The following COL28A1 variants were observed in gnomAD, a reference collection of about 807,000 sequenced individuals.
COL28A1 encodes collagen alpha-1(XXVIII) chain.
COL28A1 carries 161 observed loss-of-function variants against 150.2 expected under a neutral mutation model. That is an observed-to-expected ratio of 1.07 (90% CI 0.94 to 1.22). COL28A1 has a LOEUF of 1.22. Among genes scored for constraint, COL28A1 ranks in the 50% most tolerant of loss-of-function variants. The pLI, the probability that COL28A1 is intolerant of heterozygous loss-of-function variation, is 0.00. For missense variants in COL28A1, 1,617 were observed against 1,388.3 expected, an observed-to-expected ratio of 1.16 and a Z score of -2.62; for synonymous variants, 552 against 469.7, an observed-to-expected ratio of 1.18 and a Z score of -2.26.
chr7:7,440,356 C>T lies in COL28A1; in HGVS notation c.1722+434G>A, dbSNP rs543758747. ...CGTTATCTTCTTTCTATAATTGAAGCGACTTGCTCCAAGAGGTTCATGGCA... is the reference window on the plus strand; with the variant it reads ...CGTTATCTTCTTTCTATAATTGAAGTGACTTGCTCCAAGAGGTTCATGGCA... On this transcript the variant is annotated intron_variant, in intron 21 of 34. Transcript: ENST00000399429. 2.6e-4 allele frequency among the ~76,000 whole-genome samples: 40 copies of T among 152,302 alleles called. No homozygotes were observed. The South Asian group carries it at 4.1e-3, about 16-fold the overall frequency.
At chr7:7,508,803 C>G (rs889332035) in intron 9 of COL28A1, among the ~76,000 whole-genome samples, 10 of 151,300 alleles carry the variant, frequency 6.6e-5, no homozygotes, top group African/African-American at 1.9e-4. Context: ...GTTGCCCACA[C>G]TGGTGATATA....
chr7:7,374,038 A>AAAAAAATATATATATATATAT, intron 31 of COL28A1, among the ~76,000 whole-genome samples: 1 of 113,658 alleles, frequency 8.8e-6, no homozygotes, highest in African/African-American at 3.8e-5. Context: ...AAAAAAAAAA[A>AAAAAAATATATATATATATAT]ATATATATAT....
Position 7,383,832 on chromosome 7 carries a change from A to T in COL28A1, c.2137-2220T>A, listed in dbSNP as rs76635864. Among the ~76,000 whole-genome samples, 690 of 152,060 alleles carry T rather than the reference A, an allele frequency of 4.5e-3. 5 individuals are homozygous for T. The highest frequency in any genetic ancestry group is 0.015 in the African/African-American group (603 of 41,536). On this transcript the variant is annotated intron_variant, in intron 27 of 34. Coordinates refer to ENST00000399429, the MANE Select transcript of COL28A1 (RefSeq NM_001037763.3). ...TTTCCAATATTTCTGTATTAAAAAT[A>T]ATATTTTAAGAATATCCTTTTATAT...
At chr7:7,475,007 C>T (rs1356937860) in intron 14 of COL28A1, among the ~76,000 whole-genome samples, 2 of 152,142 alleles carry the variant, frequency 1.3e-5, no homozygotes, top group African/African-American at 4.8e-5. Flanking sequence ...TGGATCAAGT[C>T]TCCTTTTCCT....
chr7:7,418,040 C>T (rs914255417), intron 26 of COL28A1, 113 bp from the exon 27 acceptor site: 2 of 762,342 alleles, frequency 2.6e-6, no homozygotes, highest in Non-Finnish European at 4.2e-6. Context: ...CCAGGACTTT[C>T]ATGCTGCCTA....
intron 15 of COL28A1, among the ~76,000 whole-genome samples, chr7:7,456,810 T>C (rs375157031): frequency 2.0e-5 from 3 of 152,218 alleles, no homozygotes; most frequent in African/African-American, 7.2e-5. Flanking sequence ...GGAAACAAGA[T>C]GGTAAACAAG....
chr7:7,383,436 G>A (rs1368999872), intron 27 of COL28A1, among the ~76,000 whole-genome samples: 1 of 151,488 alleles, frequency 6.6e-6, no homozygotes, highest in African/African-American at 2.4e-5. Context: ...GTGCCACTAT[G>A]CCTGGCTAAT....
At chr7:7,390,143 C>G (rs1001392521) in intron 27 of COL28A1, among the ~76,000 whole-genome samples, 1 of 152,076 alleles carries the variant, frequency 6.6e-6, no homozygotes, top group Non-Finnish European at 1.5e-5. Flanking sequence ...ATAAATAGCT[C>G]TTATTATTTT....
chr7:7,460,595 G>C (rs1000525871), intron 15 of COL28A1, among the ~76,000 whole-genome samples: 8 of 151,974 alleles, frequency 5.3e-5, no homozygotes, highest in African/African-American at 1.9e-4. Flanking sequence ...TGTTAGCCAG[G>C]ATGGTCTCGA....
rs576511754 is a variant in COL28A1 at position 7,515,439 on chromosome 7, G to A, written c.882+375C>T. ...TCTTTTCCCTGGGAGAGGATTTGGT[G>A]TCTAGGTTTTCACAGGAAGTTAAAC... is the stretch of plus-strand genomic sequence containing the variant. On this transcript the variant is annotated intron_variant, in intron 8 of 34. Transcript: ENST00000399429. Among the ~76,000 whole-genome samples, 25 of 152,292 alleles carry A rather than the reference G, an allele frequency of 1.6e-4. 1 individual carries two copies. Among genetic ancestry groups the A allele is most frequent in the Middle Eastern group, 6.8e-3 (2 of 294 alleles).
rs531346162 is a variant in COL28A1 at position 7,484,952 on chromosome 7, C to G, written c.1164+4437G>C. ...GAACACAAGGACACAAAGAAGGGAA[C>G]AGCAGACACTGGGGCCCACTTGAAG... is the stretch of plus-strand genomic sequence containing the variant. On this transcript the variant is annotated intron_variant, in intron 13 of 34. Coordinates refer to ENST00000399429, the MANE Select transcript of COL28A1 (RefSeq NM_001037763.3). Among the ~76,000 whole-genome samples, 12 of 152,182 alleles carry G rather than the reference C, an allele frequency of 7.9e-5. No individual in the cohort carries two copies. The East Asian group carries it at 2.1e-3, about 27-fold the overall frequency.
intron 11 of COL28A1, among the ~76,000 whole-genome samples, chr7:7,493,733 G>A (rs1780049905): frequency 6.6e-6 from 1 of 151,914 alleles, no homozygotes; most frequent in South Asian, 2.1e-4. Context: ...TCTAAAATAT[G>A]CTGTCTGGGT....
At chr7:7,524,613 GA>G (rs1781920900) in intron 3 of COL28A1, among the ~76,000 whole-genome samples, 1 of 152,142 alleles carries the variant, frequency 6.6e-6, no homozygotes, top group Non-Finnish European at 1.5e-5. Flanking sequence ...GACTGAGGCA[GA>G]ATATATAATT....
intron 20 of COL28A1, among the ~76,000 whole-genome samples, chr7:7,441,235 T>C (rs1322872499): frequency 6.6e-6 from 1 of 152,216 alleles, no homozygotes; most frequent in Non-Finnish European, 1.5e-5. Flanking sequence ...TTTCAATTTT[T>C]CTATTTCAGG....
chr7:7,441,524 G>GAAAAAAA (rs55984344), intron 20 of COL28A1, among the ~76,000 whole-genome samples: 1 of 139,058 alleles, frequency 7.2e-6, no homozygotes, highest in Non-Finnish European at 1.6e-5. Flanking sequence ...CTCAACAAAC[G>GAAAAAAA]AAAAAAAAAA....
intron 27 of COL28A1, among the ~76,000 whole-genome samples, chr7:7,392,012 C>G (rs1305707323): frequency 2.6e-5 from 4 of 152,000 alleles, no homozygotes; most frequent in African/African-American, 9.7e-5. Flanking sequence ...TGAATTTGAT[C>G]CGGTCATTAT....
the COL28A1 span, among the ~76,000 whole-genome samples, chr7:7,344,949 C>CA: frequency 6.6e-6 from 1 of 151,574 alleles, no homozygotes; most frequent in Non-Finnish European, 1.5e-5. Context: ...GATCAAATTG[C>CA]AGGTGCACAA....
chr7:7,380,218 G>C (rs1451672947), intron 30 of COL28A1, among the ~76,000 whole-genome samples: 1 of 152,144 alleles, frequency 6.6e-6, no homozygotes, highest in African/African-American at 2.4e-5. Context: ...TTGAATAATT[G>C]AATCAATATA....
At chr7:7,521,819 C>T in intron 5 of COL28A1, 86 bp downstream of exon 5, 1 of 803,012 alleles carries the variant, frequency 1.2e-6, no homozygotes, top group Non-Finnish European at 2.2e-6. Context: ...TTCAGCAGTG[C>T]AAAATAGCCC....
Sources: allele counts gnomAD v4.1 joint callset (sites outside exome capture counted in the v4.1 genomes callset), GRCh38; gene constraint gnomAD v4.1.1; transcripts MANE v1.5; gene names NCBI Gene and HGNC (gene_info 2026-07-23, HGNC 2026-07-21).